Variants in RPS6KA2 observed in about 807,000 individuals in gnomAD.
RPS6KA2 encodes the protein ribosomal protein S6 kinase A2, also known as ribosomal protein S6 kinase alpha-2.
A neutral mutation model predicts 91.8 loss-of-function variants in RPS6KA2; 42 were observed. The ratio of observed to expected loss-of-function variants is 0.46; its 90% CI spans 0.36 to 0.59. RPS6KA2 has a LOEUF of 0.59. RPS6KA2 is among the 20% of genes least tolerant of loss of function. The pLI, the probability that RPS6KA2 is intolerant of heterozygous loss-of-function variation, is 0.00. For synonymous variants in RPS6KA2, 414 were observed against 393.6 expected, an observed-to-expected ratio of 1.05 and a Z score of -0.61; for missense variants, 798 against 978.5, an observed-to-expected ratio of 0.82 and a Z score of 2.46.
In RPS6KA2 at chr6:166,648,675, C is replaced by G. The variant is rs1044968521; in HGVS notation, c.124-109891G>C. On this transcript the variant is annotated intron_variant, in intron 2 of 21. Transcript: ENST00000503859. The surrounding 1 kb of genome is among the most constrained non-coding windows in gnomAD (Gnocchi z 4.8). Reference sequence around the variant, plus strand: ...CCTCTCTCACTAGCTGGAATCCCGTCTCCAACTCTCTGCAGCCGACTCCAT... The same window carrying G: ...CCTCTCTCACTAGCTGGAATCCCGTGTCCAACTCTCTGCAGCCGACTCCAT... Among the ~76,000 whole-genome samples, 1 of 152,158 alleles carries G rather than the reference C, an allele frequency of 6.6e-6. No homozygotes were observed. Among genetic ancestry groups the G allele is most frequent in the African/African-American group, 2.4e-5 (1 of 41,424 alleles).
Position 166,451,215 on chromosome 6 carries a change from G to C in RPS6KA2, c.1094C>G (p.Pro365Arg). 6.2e-7 allele frequency: 1 copy of C among 1,613,606 alleles called. No individual in the cohort carries two copies. The highest frequency in any genetic ancestry group is 1.1e-5 in the South Asian group (1 of 91,064). ...RTPTDSPGVP[P>R]SANAHHLFRG... ...AAACAGGTGATGAGCGTTTGCACTCGGGGGGACGCCAGGAGAGTCTGTAGG... is the reference window on the plus strand; with the variant it reads ...AAACAGGTGATGAGCGTTTGCACTCCGGGGGACGCCAGGAGAGTCTGTAGG... Residue 365 changes from proline to arginine, a missense_variant, in exon 13 of 21, where the codon CCG (proline) becomes CGG (arginine). Coordinates refer to ENST00000265678, the MANE Select transcript of RPS6KA2 (RefSeq NM_021135.6).
chr6:166,779,085 C>T (rs1294927352), intron 2 of RPS6KA2, among the ~76,000 whole-genome samples: 2 of 152,168 alleles, frequency 1.3e-5, no homozygotes, highest in South Asian at 2.1e-4. Flanking sequence ...GAGACAGGTG[C>T]GAGCTTTCTC....
intron 2 of RPS6KA2, chr6:166,701,314 C>A: frequency 6.5e-7 from 1 of 1,544,300 alleles, no homozygotes; most frequent in Non-Finnish European, 8.7e-7. Flanking sequence ...CACCGTTTTG[C>A]CTCCTTTTCC....
Position 166,412,971 on chromosome 6 carries a change from C to T in RPS6KA2, c.2077-84G>A. On this transcript the variant is annotated intron_variant, in intron 20 of 20. Transcript: ENST00000265678. The surrounding 1 kb of genome is among the most constrained non-coding windows in gnomAD (Gnocchi z 4.3). ...AGCCCGGGGCCTCCATGGGCCTCAG[C>T]TGCCCCCAGGCAACGTGGGAGAAAC... 7.2e-7 allele frequency: 1 copy of T among 1,388,574 alleles called. No individual in the cohort carries two copies. Among genetic ancestry groups the T allele is most frequent in the Non-Finnish European group, 9.5e-7 (1 of 1,048,036 alleles). 86.0% of individuals were successfully genotyped at this position (1,388,574 alleles called of 1,614,324 possible).
chr6:166,436,821 T>C (rs547874744), intron 14 of RPS6KA2, among the ~76,000 whole-genome samples: 1 of 152,210 alleles, frequency 6.6e-6, no homozygotes, highest in Admixed American at 6.5e-5. Flanking sequence ...GCTGGGATTA[T>C]AGGGCACATC....
chr6:166,598,469 G>A (rs1017212640), intron 1 of RPS6KA2, among the ~76,000 whole-genome samples: 2 of 152,188 alleles, frequency 1.3e-5, no homozygotes, highest in Non-Finnish European at 2.9e-5. Flanking sequence ...GGACAATAAA[G>A]GAATAAAAAG....
intron 2 of RPS6KA2, among the ~76,000 whole-genome samples, chr6:166,754,517 G>C (rs1191278568): frequency 6.6e-6 from 1 of 152,164 alleles, no homozygotes; most frequent in Non-Finnish European, 1.5e-5. Flanking sequence ...GCCCTCGCTG[G>C]CTGGTACTGG....
intron 2 of RPS6KA2, among the ~76,000 whole-genome samples, chr6:166,760,977 G>A (rs1778152952): frequency 1.3e-5 from 2 of 152,192 alleles, no homozygotes; most frequent in South Asian, 4.1e-4. Flanking sequence ...GGTTTGCAAT[G>A]GAAACCCTTC....
chr6:166,486,093 G>A (rs149472752), intron 10 of RPS6KA2, among the ~76,000 whole-genome samples: 1 of 152,312 alleles, frequency 6.6e-6, no homozygotes, highest in East Asian at 1.9e-4. Context: ...CCTGGCTAAC[G>A]ACGACCGTCA....
At chr6:166,519,929 G>C (rs934684511) in intron 3 of RPS6KA2, among the ~76,000 whole-genome samples, 1 of 152,210 alleles carries the variant, frequency 6.6e-6, no homozygotes, top group Admixed American at 6.5e-5. Context: ...GGTGAACCAT[G>C]ATTTCTGGGT....
chr6:166,486,985 C>T (rs953356863), intron 10 of RPS6KA2, among the ~76,000 whole-genome samples: 2 of 152,230 alleles, frequency 1.3e-5, no homozygotes, highest in African/African-American at 4.8e-5. Flanking sequence ...CAGCCCCAGG[C>T]TGTGGTGTGG....
At position 166,423,121 on chromosome 6, in the gene RPS6KA2, T is replaced by C. The variant is rs116272916; in HGVS notation, c.1743+135A>G. On this transcript the variant is annotated intron_variant, in intron 17 of 20. Coordinates refer to ENST00000265678, the MANE Select transcript of RPS6KA2 (RefSeq NM_021135.6). This position sits in a 1 kb window ranked among gnomAD's most constrained non-coding sequence, Gnocchi z 4.8. ...TCAAGAGACTGAAGGTTCTCGTTTC[T>C]GTTTCCCAACACCACTGCTGACGCA... The C allele has an allele frequency of 1.8e-3, 1,479 of 830,266 alleles. 19 individuals carry two copies. In the African/African-American group the frequency reaches 0.023, roughly 13 times the overall value. 51.4% of individuals were successfully genotyped at this position (830,266 alleles called of 1,614,324 possible).
chr6:166,695,902 C>T (rs535223481), intron 2 of RPS6KA2, among the ~76,000 whole-genome samples: 2 of 152,004 alleles, frequency 1.3e-5, no homozygotes, highest in African/African-American at 2.4e-5. Context: ...TAGATTCTCA[C>T]AGGAGCACTA....
chr6:166,560,451 A>G (rs1784310653), intron 1 of RPS6KA2, among the ~76,000 whole-genome samples: 1 of 152,212 alleles, frequency 6.6e-6, no homozygotes, highest in African/African-American at 2.4e-5. Flanking sequence ...CTGACAGTGA[A>G]TGTTCTCAAG....
intron 2 of RPS6KA2, among the ~76,000 whole-genome samples, chr6:166,669,121 T>C (rs1314988615): frequency 1.3e-5 from 2 of 152,094 alleles, no homozygotes; most frequent in Non-Finnish European, 2.9e-5. Context: ...CTTGAGCTCC[T>C]GGCCTCAAGT....
intron 2 of RPS6KA2, among the ~76,000 whole-genome samples, chr6:166,779,176 A>AT (rs1778703508): frequency 2.0e-5 from 3 of 152,190 alleles, no homozygotes; most frequent in Admixed American, 1.3e-4. Flanking sequence ...AAACTATGGC[A>AT]TTTTTCCTAC....
At chr6:166,569,889 C>T (rs1391220861) in intron 1 of RPS6KA2, among the ~76,000 whole-genome samples, 4 of 152,218 alleles carry the variant, frequency 2.6e-5, no homozygotes, top group African/African-American at 9.6e-5. Flanking sequence ...AAACTTACAT[C>T]CCAATTCTAC....
intron 2 of RPS6KA2, among the ~76,000 whole-genome samples, chr6:166,747,588 C>T (rs1042807017): frequency 1.3e-5 from 2 of 152,186 alleles, no homozygotes; most frequent in African/African-American, 4.8e-5. Flanking sequence ...AGCTTCCTTC[C>T]CCCTTTCCAC....
At chr6:166,816,257 G>GA (rs1159888236) in intron 2 of RPS6KA2, among the ~76,000 whole-genome samples, 1 of 151,906 alleles carries the variant, frequency 6.6e-6, no homozygotes, top group Non-Finnish European at 1.5e-5. Context: ...AAGAATTATT[G>GA]AACTATGGTC....
Sources: gnomAD v4.1 joint callset for allele counts (sites outside exome capture counted in the v4.1 genomes callset) on GRCh38, gnomAD v4.1.1 for gene constraint, Gnocchi (gnomAD v3.1) non-coding constraint, MANE v1.5 for transcripts, NCBI Gene and HGNC (gene_info 2026-07-23, HGNC 2026-07-21) for gene names.